Variants in LRP1B observed in about 807,000 individuals in gnomAD.
The protein encoded by LRP1B is LDL receptor related protein 1B, also known as low-density lipoprotein receptor-related protein 1B.
A neutral mutation model predicts 556.6 loss-of-function variants in LRP1B; 217 were observed. The observed-to-expected ratio is 0.39, with a 90% CI of 0.35 to 0.44. The LOEUF is 0.44. Among genes scored for constraint, LRP1B ranks in the 20% least tolerant of loss-of-function variants. The pLI, the probability that LRP1B is intolerant of heterozygous loss-of-function variation, is 1.00. For missense variants in LRP1B, 5,053 were observed against 5,620.8 expected, an observed-to-expected ratio of 0.90 and a Z score of 3.23; for synonymous variants, 2,047 against 1,865.8, an observed-to-expected ratio of 1.10 and a Z score of -2.50.
intron 3 of LRP1B, among the ~76,000 whole-genome samples, chr2:141,396,489 T>C (rs1559047855): frequency 6.6e-6 from 1 of 152,194 alleles, no homozygotes; most frequent in East Asian, 1.9e-4. Flanking sequence ...TTTTAGTGGC[T>C]ATAGATAAAG....
At chr2:141,257,991 A>G (rs1294587487) in intron 3 of LRP1B, among the ~76,000 whole-genome samples, 1 of 152,214 alleles carries the variant, frequency 6.6e-6, no homozygotes, top group African/African-American at 2.4e-5. Flanking sequence ...TACTTGAATC[A>G]TTAGTCTTCA....
chr2:141,452,801 C>T (rs1681470971), intron 3 of LRP1B, among the ~76,000 whole-genome samples: 1 of 152,190 alleles, frequency 6.6e-6, no homozygotes, highest in Non-Finnish European at 1.5e-5. Flanking sequence ...TATTTCCTTT[C>T]TTAGAGGGTA....
chr2:140,596,224 CT>C (rs1682434018), intron 43 of LRP1B, among the ~76,000 whole-genome samples: 1 of 152,086 alleles, frequency 6.6e-6, no homozygotes, highest in Non-Finnish European at 1.5e-5. Flanking sequence ...TGATCTTTCT[CT>C]TTTAAAAGAG....
At position 140,514,623 on chromosome 2, in the gene LRP1B, CTGAT is replaced by C. The variant is rs781556547; in HGVS notation, c.8269+26_8269+29del. 3 of 1,584,116 alleles carry C rather than the reference CTGAT, an allele frequency of 1.9e-6. No homozygotes were observed. In the South Asian group the frequency reaches 3.5e-5, roughly 19 times the overall value. ...ATAGAGCATATATAATGCTTAAAAACTGATTGAGGACAGAAGATACACAACTTAC... is the reference window on the plus strand; with the variant it reads ...ATAGAGCATATATAATGCTTAAAAACTGAGGACAGAAGATACACAACTTAC... On this transcript the variant is annotated intron_variant, in intron 51 of 90. Coordinates refer to ENST00000389484, the MANE Select transcript of LRP1B (RefSeq NM_018557.3).
intron 2 of LRP1B, among the ~76,000 whole-genome samples, chr2:141,809,698 T>A (rs1376695002): frequency 1.3e-5 from 2 of 151,702 alleles, no homozygotes; most frequent in Non-Finnish European, 2.9e-5. Context: ...GAATCTGATA[T>A]TATAAAGACA....
chr2:140,952,525 A>C (rs755772465), intron 18 of LRP1B, among the ~76,000 whole-genome samples: 5 of 152,150 alleles, frequency 3.3e-5, no homozygotes, highest in Non-Finnish European at 5.9e-5. Flanking sequence ...CAACAACAAA[A>C]AAAACAAAAA....
chr2:140,564,805 AAG>A (rs1558971028), intron 43 of LRP1B, among the ~76,000 whole-genome samples: 2 of 152,108 alleles, frequency 1.3e-5, no homozygotes, highest in African/African-American at 4.8e-5. Context: ...AGACTCTGAG[AAG>A]CTCTTTGTTA....
intron 42 of LRP1B, 124 bp downstream of exon 42, chr2:140,601,326 A>T (rs1034273224): frequency 1.1e-6 from 1 of 912,798 alleles, no homozygotes; most frequent in Non-Finnish European, 1.5e-6. Flanking sequence ...AAGTTTTATG[A>T]ATTGTGAAAA....
intron 1 of LRP1B, among the ~76,000 whole-genome samples, chr2:142,097,217 C>T (rs759795420): frequency 4.7e-4 from 71 of 151,658 alleles, no homozygotes; most frequent in Non-Finnish European, 9.3e-4. Flanking sequence ...ATAAGAAAAC[C>T]TTCACACATA....
intron 75 of LRP1B, among the ~76,000 whole-genome samples, chr2:140,353,596 A>C (rs944990404): frequency 6.6e-6 from 1 of 151,962 alleles, no homozygotes; most frequent in African/African-American, 2.4e-5. Context: ...ATTTCTACTC[A>C]TCTTTCAAGA....
At chr2:140,850,660 T>C (rs1258253354) in intron 28 of LRP1B, among the ~76,000 whole-genome samples, 1 of 152,184 alleles carries the variant, frequency 6.6e-6, no homozygotes, top group Non-Finnish European at 1.5e-5. Flanking sequence ...ACTTTGTACG[T>C]AATTACTACA....
At chr2:140,456,391 G>T in intron 62 of LRP1B, 64 bp downstream of exon 62, 2 of 1,478,168 alleles carry the variant, frequency 1.4e-6, no homozygotes, top group African/African-American at 1.4e-5. Context: ...TCAATGTTAT[G>T]CTAAACAAAA....
At chr2:140,726,051 G>A (rs144149904) in intron 35 of LRP1B, among the ~76,000 whole-genome samples, 99 of 152,232 alleles carry the variant, frequency 6.5e-4, no homozygotes, top group African/African-American at 2.2e-3. Flanking sequence ...GGTGCAGGTG[G>A]GGAATTTACT....
chr2:141,684,274 TA>T (rs1438812309), intron 2 of LRP1B, among the ~76,000 whole-genome samples: 3 of 151,928 alleles, frequency 2.0e-5, no homozygotes, highest in Non-Finnish European at 2.9e-5. Flanking sequence ...TATGCAGCCA[TA>T]AAAAAGGATG....
rs140210389 is a variant in LRP1B, at chr2:141,770,941, C to T, written c.205+39338G>A. The stretch of plus-strand genomic sequence containing the variant: ...TTGTTAACAGCTAAGGAAGACTAAC[C>T]TGAAGGTCACTGTTGCTTAATTATA... On this transcript the variant is annotated intron_variant, in intron 2 of 90. Coordinates refer to ENST00000389484, the MANE Select transcript of LRP1B (RefSeq NM_018557.3). 6.4e-3 allele frequency among the ~76,000 whole-genome samples: 977 copies of T among 152,282 alleles called. 7 individuals carry two copies. Among genetic ancestry groups the T allele is most frequent in the African/African-American group, 0.021 (876 of 41,560 alleles).
intron 8 of LRP1B, among the ~76,000 whole-genome samples, 153 bp from the exon 9 acceptor site, chr2:141,059,207 C>T (rs559481836): frequency 6.6e-6 from 1 of 151,852 alleles, no homozygotes; most frequent in East Asian, 1.9e-4. Flanking sequence ...CAACATTTCC[C>T]TGATTAAAAC....
rs937901136 is a variant in LRP1B, at chr2:141,024,712, C to T, written c.1790-4610G>A. On this transcript the variant is annotated intron_variant, in intron 11 of 90. Coordinates refer to ENST00000389484, the MANE Select transcript of LRP1B (RefSeq NM_018557.3). ...ATGAATTCTGGTAGAAGACACAAGA[C>T]TTGTGGATCAGATATAAAAGATTTT... is the stretch of plus-strand genomic sequence containing the variant. 8.6e-5 allele frequency among the ~76,000 whole-genome samples: 13 copies of T among 151,994 alleles called. 1 individual carries two copies. Among genetic ancestry groups the T allele is most frequent in the Non-Finnish European group, 1.9e-4 (13 of 67,964 alleles).
chr2:140,980,366 C>G (rs1162545507), intron 18 of LRP1B, among the ~76,000 whole-genome samples: 1 of 152,124 alleles, frequency 6.6e-6, no homozygotes, highest in Non-Finnish European at 1.5e-5. Flanking sequence ...TAGGACCACA[C>G]AATTAGTCTG....
At chr2:140,772,318 T>C (rs911917643) in intron 33 of LRP1B, among the ~76,000 whole-genome samples, 1 of 151,380 alleles carries the variant, frequency 6.6e-6, no homozygotes, top group African/African-American at 2.4e-5. Flanking sequence ...TATGTATATA[T>C]ATATTATTTT....
Sources: gnomAD v4.1 joint callset for allele counts (sites outside exome capture counted in the v4.1 genomes callset) on GRCh38, gnomAD v4.1.1 for gene constraint, MANE v1.5 for transcripts, NCBI Gene and HGNC (gene_info 2026-07-23, HGNC 2026-07-21) for gene names.